ZNF892: variants seen among roughly 807,000 people sequenced by gnomAD.
ZNF892 encodes zinc finger protein 570-like.
chr2:95,208,495 T>C, the ZNF892 span, among the ~76,000 whole-genome samples: 2 of 152,200 alleles, frequency 1.3e-5, no homozygotes, highest in African/African-American at 4.8e-5. Context: ...GAGACAGCAA[T>C]GGTCAAGGTG....
At chr2:95,254,968 C>CT in the ZNF892 span, among the ~76,000 whole-genome samples, 2 of 151,846 alleles carry the variant, frequency 1.3e-5, no homozygotes, top group Non-Finnish European at 2.9e-5. Context: ...TGATTCTTCT[C>CT]TTTCTTCTTT....
the ZNF892 span, among the ~76,000 whole-genome samples, chr2:95,249,227 A>ATTTTTTTTT: frequency 3.0e-5 from 2 of 65,646 alleles, 1 homozygote. Context: ...ATATATATAT[A>ATTTTTTTTT]TATATTTTTT....
chr2:95,209,982 ATTATGTGC>A, the ZNF892 span, among the ~76,000 whole-genome samples: 1 of 152,026 alleles, frequency 6.6e-6, no homozygotes, highest in Admixed American at 6.6e-5. Context: ...ACTTTATGTC[ATTATGTGC>A]TTTGTTTTAC....
At chr2:95,233,030 G>T in the ZNF892 span, among the ~76,000 whole-genome samples, 2 of 152,088 alleles carry the variant, frequency 1.3e-5, no homozygotes, top group Non-Finnish European at 2.9e-5. Flanking sequence ...TGCCTGATTG[G>T]TTTTGAAAGG....
chr2:95,222,539 A>T, the ZNF892 span, among the ~76,000 whole-genome samples: 1 of 152,228 alleles, frequency 6.6e-6, no homozygotes. Flanking sequence ...GTGTAGTGGT[A>T]TCTCAATGTG....
chr2:95,222,866 G>C, the ZNF892 span, among the ~76,000 whole-genome samples: 1 of 152,102 alleles, frequency 6.6e-6, no homozygotes, highest in Non-Finnish European at 1.5e-5. Context: ...TTTTCTTCTA[G>C]TAGCTTAATG....
the ZNF892 span, among the ~76,000 whole-genome samples, chr2:95,218,993 A>G: frequency 1.3e-5 from 2 of 151,704 alleles, no homozygotes; most frequent in Admixed American, 1.3e-4. Context: ...CAGATTGAGC[A>G]TTTTCTTTTT....
the ZNF892 span, among the ~76,000 whole-genome samples, chr2:95,253,085 G>A: frequency 6.6e-6 from 1 of 152,284 alleles, no homozygotes; most frequent in East Asian, 1.9e-4. Flanking sequence ...AAGCTCTTTA[G>A]TTTAATTAGA....
chr2:95,231,250 T>C, the ZNF892 span, among the ~76,000 whole-genome samples: 1 of 152,144 alleles, frequency 6.6e-6, no homozygotes, highest in African/African-American at 2.4e-5. Context: ...ATAAAACAAA[T>C]GAGCTCATTT....
At chr2:95,240,481 AC>A in the ZNF892 span, among the ~76,000 whole-genome samples, 1 of 152,164 alleles carries the variant, frequency 6.6e-6, no homozygotes, top group East Asian at 1.9e-4. Context: ...AGCCCACACT[AC>A]CAGGGCCTAG....
At chr2:95,207,947 T>A in the ZNF892 span, 4 of 397,570 alleles carry the variant, frequency 1.0e-5, no homozygotes, top group Non-Finnish European at 1.8e-5. Context: ...AGCCCCTTCC[T>A]ACTAGCCGGT....
chr2:95,250,723 AATT>A, the ZNF892 span, among the ~76,000 whole-genome samples: 1 of 144,378 alleles, frequency 6.9e-6, no homozygotes. Flanking sequence ...AATATTCATA[AATT>A]ATAAATTTAT....
chr2:95,223,692 TG>T, the ZNF892 span, among the ~76,000 whole-genome samples: 1 of 152,222 alleles, frequency 6.6e-6, no homozygotes, highest in South Asian at 2.1e-4. Flanking sequence ...TGAGCCACTC[TG>T]CTCCACCACA....
the ZNF892 span, among the ~76,000 whole-genome samples, chr2:95,254,443 G>C: frequency 6.6e-6 from 1 of 152,184 alleles, no homozygotes; most frequent in Admixed American, 6.5e-5. Context: ...ACTTGATCAT[G>C]GTGGATAAGC....
At chr2:95,239,514 A>G in the ZNF892 span, among the ~76,000 whole-genome samples, 1 of 152,234 alleles carries the variant, frequency 6.6e-6, no homozygotes, top group African/African-American at 2.4e-5. Flanking sequence ...AAATTGTCAC[A>G]GCCACCCCAA....
the ZNF892 span, among the ~76,000 whole-genome samples, chr2:95,255,595 C>G: frequency 6.6e-6 from 1 of 152,192 alleles, no homozygotes; most frequent in African/African-American, 2.4e-5. Context: ...TCTATTAGGT[C>G]TGCTTGGTGC....
chr2:95,223,682 T>G, the ZNF892 span, among the ~76,000 whole-genome samples: 1 of 152,172 alleles, frequency 6.6e-6, no homozygotes, highest in African/African-American at 2.4e-5. Context: ...AATACAAGCA[T>G]GAGCCACTCT....
the ZNF892 span, among the ~76,000 whole-genome samples, chr2:95,239,932 C>T: frequency 1.9e-3 from 286 of 152,100 alleles, 2 homozygotes; most frequent in African/African-American, 6.6e-3. Context: ...GTCTGACCTA[C>T]GGGATAGTTT....
chr2:95,211,346 C>CT, the ZNF892 span, among the ~76,000 whole-genome samples: 1 of 152,184 alleles, frequency 6.6e-6, no homozygotes, highest in African/African-American at 2.4e-5. Context: ...GATACATAAA[C>CT]TAAAAAGTTC....
Sources: gnomAD v4.1 joint callset for allele counts (sites outside exome capture counted in the v4.1 genomes callset) on GRCh38, gnomAD v4.1.1 for gene constraint, MANE v1.5 for transcripts, NCBI Gene and HGNC (gene_info 2026-07-23, HGNC 2026-07-21) for gene names.